The following ARHGAP15 variants were observed in gnomAD, a reference collection of about 807,000 sequenced individuals.
ARHGAP15 encodes rho GTPase-activating protein 15.
In ARHGAP15, 51 loss-of-function variants were observed where a neutral mutation model predicts 63.7. The observed-to-expected ratio is 0.80, with a 90% CI of 0.64 to 1.01. The LOEUF is 1.01. ARHGAP15 is among the 50% of genes least tolerant of loss of function. The pLI is 0.00. For synonymous variants in ARHGAP15, 191 were observed against 193.8 expected (o/e 0.99, Z 0.12); for missense variants, 560 against 564.6 (o/e 0.99, Z 0.08).
Position 143,319,259 on chromosome 2 carries a change from C to G in ARHGAP15, c.474+68659C>G, listed in dbSNP as rs775087534. Among the ~76,000 whole-genome samples the G allele has an allele frequency of 1.4e-4, 21 of 148,408 alleles. 1 individual carries two copies. Among genetic ancestry groups the G allele is most frequent in the Admixed American group, 1.3e-3 (20 of 14,854 alleles). On this transcript the variant is annotated intron_variant, in intron 6 of 13. Transcript: ENST00000295095. Reference sequence around the variant, plus strand: ...TTTTTTTTTAATATGGTGTCTCACTCTGTTGCCCAGGCTGGAGTGCAATGG... The same window carrying G: ...TTTTTTTTTAATATGGTGTCTCACTGTGTTGCCCAGGCTGGAGTGCAATGG...
chr2:143,759,067 A>G (rs1686674647), intron 13 of ARHGAP15, among the ~76,000 whole-genome samples: 1 of 152,148 alleles, frequency 6.6e-6, no homozygotes, highest in Non-Finnish European at 1.5e-5. Flanking sequence ...CCTGTGCATT[A>G]CAAAATGTTT....
At position 143,535,838 on chromosome 2, in the gene ARHGAP15, T is replaced by C. The variant is rs189914626; in HGVS notation, c.925+16474T>C. On this transcript the variant is annotated intron_variant, in intron 10 of 13. Transcript: ENST00000295095. ...TGAGATACATTTATAATTGATATCTTGCCACTTTAGAAAGTCACATATATG... is the reference window on the plus strand; with the variant it reads ...TGAGATACATTTATAATTGATATCTCGCCACTTTAGAAAGTCACATATATG... 6.6e-5 allele frequency among the ~76,000 whole-genome samples: 10 copies of C among 152,354 alleles called. No individual in the cohort carries two copies. The East Asian group carries it at 1.7e-3, about 26-fold the overall frequency.
intron 11 of ARHGAP15, among the ~76,000 whole-genome samples, chr2:143,577,827 C>A (rs564968103): frequency 6.6e-6 from 1 of 152,134 alleles, no homozygotes; most frequent in Non-Finnish European, 1.5e-5. Flanking sequence ...TCAGGAACTG[C>A]AGTATAAGGA....
At chr2:143,661,637 G>C (rs559943610) in intron 12 of ARHGAP15, among the ~76,000 whole-genome samples, 1 of 152,162 alleles carries the variant, frequency 6.6e-6, no homozygotes, top group Non-Finnish European at 1.5e-5. Context: ...GAAGACGGGT[G>C]ATTTCTGCAT....
chr2:143,455,288 T>C (rs1475394243), intron 8 of ARHGAP15, among the ~76,000 whole-genome samples: 2 of 152,258 alleles, frequency 1.3e-5, no homozygotes, highest in East Asian at 3.9e-4. Flanking sequence ...ACATTTAGCA[T>C]GCTGATGCAT....
Position 143,768,018 on chromosome 2 carries a change from T to G in ARHGAP15, c.1274T>G (p.Met425Arg), listed in dbSNP as rs200952708. 1.2e-5 allele frequency: 19 copies of G among 1,613,668 alleles called. No individual in the cohort carries two copies. Among genetic ancestry groups the G allele is most frequent in the Non-Finnish European group, 1.6e-5 (19 of 1,179,708 alleles). ...KIVAKASKNL[M>R]STQSLGIVFG... Reference sequence around the variant, plus strand: ...GTGGCCAAAGCCTCCAAGAACCTCATGTCCACGCAAAGCTTGGGGATTGTA... The same window carrying G: ...GTGGCCAAAGCCTCCAAGAACCTCAGGTCCACGCAAAGCTTGGGGATTGTA... The change falls in exon 14 of 14, where the codon ATG becomes AGG. Residue 425 changes from methionine to arginine, a missense_variant. By Grantham distance (91) the Met-to-Arg change is moderately conservative. Coordinates refer to ENST00000295095, the MANE Select transcript of ARHGAP15 (RefSeq NM_018460.4).
chr2:143,342,350 G>A (rs1027133886), intron 6 of ARHGAP15, among the ~76,000 whole-genome samples: 6 of 152,004 alleles, frequency 3.9e-5, no homozygotes, highest in African/African-American at 1.4e-4. Context: ...TCATCTAGCA[G>A]TATAATATTT....
rs984514642 is a variant in ARHGAP15, at chr2:143,525,831, T to G, written c.925+6467T>G. Among the ~76,000 whole-genome samples the G allele has an allele frequency of 2.6e-5, 4 of 151,744 alleles. 1 individual carries two copies. The highest frequency in any genetic ancestry group is 4.2e-4 in the South Asian group (2 of 4,816). ...GCCAGCAAGAGTATAAAAGAGAAAC[T>G]AGGAAAAGACAACCAAAAGAAATCA... On this transcript the variant is annotated intron_variant, in intron 10 of 13. Coordinates refer to ENST00000295095, the MANE Select transcript of ARHGAP15 (RefSeq NM_018460.4).
chr2:143,363,542 T>G (rs1686156253), intron 6 of ARHGAP15, among the ~76,000 whole-genome samples: 1 of 152,196 alleles, frequency 6.6e-6, no homozygotes, highest in Admixed American at 6.5e-5. Flanking sequence ...GCTACTGTTC[T>G]TTATATAGTT....
rs70982878 is a variant in ARHGAP15, at chr2:143,673,722, T to TTG, written c.1139-29661_1139-29660dup. ...ACAAATATCTGATAAAGGCCTTATATTGTGTGTGTGTGTGTGTGTGTGTGT... is the reference window on the plus strand; with the variant it reads ...ACAAATATCTGATAAAGGCCTTATATTGTGTGTGTGTGTGTGTGTGTGTGTGT... On this transcript the variant is annotated intron_variant, in intron 12 of 13. Transcript: ENST00000295095. Among the ~76,000 whole-genome samples the TTG allele has an allele frequency of 9.3e-3, 508 of 54,612 alleles. 18 individuals are homozygous for TTG. The highest frequency in any genetic ancestry group is 0.019 in the African/African-American group (399 of 21,086). 35.8% of individuals were successfully genotyped at this position (54,612 alleles called of 152,430 possible).
At chr2:143,210,373 G>C (rs1416713487) in intron 3 of ARHGAP15, among the ~76,000 whole-genome samples, 1 of 151,930 alleles carries the variant, frequency 6.6e-6, no homozygotes, top group Admixed American at 6.6e-5. Flanking sequence ...GAAAGGTTCA[G>C]AAAAAAAGTC....
intron 6 of ARHGAP15, among the ~76,000 whole-genome samples, chr2:143,409,705 A>G (rs534059099): frequency 6.6e-6 from 1 of 152,254 alleles, no homozygotes; most frequent in African/African-American, 2.4e-5. Context: ...ATATATTGAG[A>G]TACACAAATA....
At chr2:143,440,524 T>A (rs540297413) in intron 8 of ARHGAP15, among the ~76,000 whole-genome samples, 18 of 152,300 alleles carry the variant, frequency 1.2e-4, no homozygotes, top group African/African-American at 3.9e-4. Flanking sequence ...AATTACTTTT[T>A]TAAAAGGCAT....
At chr2:143,551,449 C>A (rs575065383) in intron 10 of ARHGAP15, among the ~76,000 whole-genome samples, 5 of 152,172 alleles carry the variant, frequency 3.3e-5, no homozygotes, top group Non-Finnish European at 4.4e-5. Flanking sequence ...GCCACTGAAC[C>A]TGGCCTAAAA....
In ARHGAP15 at chr2:143,139,872, C is replaced by T. The variant is rs371063721; in HGVS notation, c.-15+10406C>T. ...TCTGGGCCCTACCACTTGCTAGATC[C>T]TGTATGATATTTTGGGCAAGTTACT... On this transcript the variant is annotated intron_variant, in intron 1 of 13. Coordinates refer to ENST00000295095, the MANE Select transcript of ARHGAP15 (RefSeq NM_018460.4). Among the ~76,000 whole-genome samples, 14 of 152,072 alleles carry T rather than the reference C, an allele frequency of 9.2e-5. 1 individual carries two copies. Among genetic ancestry groups the T allele is most frequent in the South Asian group, 4.1e-4 (2 of 4,826 alleles).
chr2:143,628,624 T>A (rs1389202309), intron 12 of ARHGAP15, among the ~76,000 whole-genome samples: 1 of 152,144 alleles, frequency 6.6e-6, no homozygotes, highest in Non-Finnish European at 1.5e-5. Context: ...TCAGCTCCCA[T>A]CTGGTGACAC....
At chr2:143,582,561 A>G (rs1004008272) in intron 11 of ARHGAP15, among the ~76,000 whole-genome samples, 1 of 152,200 alleles carries the variant, frequency 6.6e-6, no homozygotes. Context: ...ACTTTTTAAC[A>G]AGTGTTATCT....
chr2:143,647,483 T>TACATGAACAACATGTAGAGC (rs1478633090), intron 12 of ARHGAP15, among the ~76,000 whole-genome samples: 1 of 152,020 alleles, frequency 6.6e-6, no homozygotes, highest in Non-Finnish European at 1.5e-5. Context: ...CAGGAGTTGT[T>TACATGAACAACATGTAGAGC]AGGTGCTTTC....
chr2:143,395,610 A>C (rs970126057), intron 6 of ARHGAP15, among the ~76,000 whole-genome samples: 1 of 152,118 alleles, frequency 6.6e-6, no homozygotes, highest in Non-Finnish European at 1.5e-5. Flanking sequence ...AGGGTGAAGG[A>C]AGACTCTCCT....
Sources: gnomAD v4.1 joint callset for allele counts (sites outside exome capture counted in the v4.1 genomes callset) on GRCh38, gnomAD v4.1.1 for gene constraint, MANE v1.5 for transcripts, NCBI Gene and HGNC (gene_info 2026-07-23, HGNC 2026-07-21) for gene names.